Variants in ABCC4 observed in about 807,000 individuals in gnomAD.
The protein encoded by ABCC4 is ATP binding cassette subfamily C member 4 (PEL blood group), also known as ATP-binding cassette sub-family C member 4.
ABCC4 carries 102 observed loss-of-function variants against 168.5 expected under a neutral mutation model. The ratio of observed to expected loss-of-function variants is 0.61; its 90% CI spans 0.52 to 0.71. The LOEUF (loss-of-function observed/expected upper bound fraction) is 0.71, where lower values mean the gene tolerates loss of function less well. Among genes scored for constraint, ABCC4 ranks in the 30% least tolerant of loss-of-function variants. The pLI is 0.00. For synonymous variants in ABCC4, 617 were observed against 590.7 expected, an observed-to-expected ratio of 1.04 and a Z score of -0.65; for missense variants, 1,402 against 1,605.8, an observed-to-expected ratio of 0.87 and a Z score of 2.17.
chr13:95,243,793 G>T (rs1452610015), intron 3 of ABCC4, among the ~76,000 whole-genome samples: 2 of 152,050 alleles, frequency 1.3e-5, no homozygotes, highest in African/African-American at 4.8e-5. Flanking sequence ...GCTGAGGTGG[G>T]AGGATTGCTT....
chr13:95,238,596 C>G (rs932137090), intron 3 of ABCC4, among the ~76,000 whole-genome samples: 1 of 152,162 alleles, frequency 6.6e-6, no homozygotes, highest in Non-Finnish European at 1.5e-5. Flanking sequence ...ACTCTTGTTG[C>G]GCAGGCTGGA....
chr13:95,202,741 C>T (rs531685988), intron 8 of ABCC4, among the ~76,000 whole-genome samples: 9 of 151,278 alleles, frequency 5.9e-5, no homozygotes, highest in Non-Finnish European at 1.0e-4. Flanking sequence ...CTCCACCTCC[C>T]GGGTTCAAGC....
At chr13:95,261,926 T>C (rs2040541393) in intron 1 of ABCC4, among the ~76,000 whole-genome samples, 1 of 149,598 alleles carries the variant, frequency 6.7e-6, no homozygotes. Flanking sequence ...AGTGAGACCT[T>C]CTCTCCACAC....
intron 1 of ABCC4, among the ~76,000 whole-genome samples, chr13:95,275,030 T>C (rs1243260517): frequency 6.6e-6 from 1 of 152,186 alleles, no homozygotes; most frequent in Non-Finnish European, 1.5e-5. Context: ...TGAGCCGAGA[T>C]TGTGCCACTG....
chr13:95,271,802 T>C (rs2040855174), intron 1 of ABCC4, among the ~76,000 whole-genome samples: 1 of 152,144 alleles, frequency 6.6e-6, no homozygotes, highest in Admixed American at 6.6e-5. Context: ...ACAAGCAGGA[T>C]TCCCTGGGCC....
At position 95,062,471 on chromosome 13, in the gene ABCC4, G is replaced by T. The variant is rs145312551; in HGVS notation, c.3366+233C>A. Among the ~76,000 whole-genome samples the T allele has an allele frequency of 4.6e-3, 620 of 134,660 alleles. 5 individuals are homozygous for T. Among genetic ancestry groups the T allele is most frequent in the African/African-American group, 0.017 (602 of 35,432 alleles). 88.3% of individuals were successfully genotyped at this position (134,660 alleles called of 152,430 possible). ...CATCTTAGTACAGAAATCTATCTGC[G>T]TAAGTTATTAAATATCACACACACA... On this transcript the variant is annotated intron_variant, in intron 26 of 30. Transcript: ENST00000645237.
chr13:95,253,937 G>A (rs2040330949), intron 1 of ABCC4, among the ~76,000 whole-genome samples: 3 of 152,076 alleles, frequency 2.0e-5, no homozygotes, highest in Admixed American at 6.6e-5. Context: ...CTCTTACCCA[G>A]GCTGGAGTGC....
rs199801161 is a variant in ABCC4, at chr13:95,177,751, A to T, written c.1683T>A (p.Pro561=). The T allele has an allele frequency of 3.1e-6, 5 of 1,612,026 alleles. No individual in the cohort carries two copies. In the East Asian group the frequency reaches 1.1e-4, roughly 36 times the overall value. The change falls in exon 13 of 31, where the codon CCT becomes CCA. Residue 561 remains proline, a synonymous_variant. Transcript: ENST00000645237. ...QDADIYLLDD[P]LSAVDAEVSR... ...TAACTTCCGCATCTACTGCACTGAG[A>T]GGATCGTCCAGGAGATAGATGTCAG...
intron 19 of ABCC4, among the ~76,000 whole-genome samples, chr13:95,132,356 T>C (rs2035996761): frequency 2.6e-5 from 4 of 152,036 alleles, no homozygotes; most frequent in Admixed American, 6.5e-5. Context: ...GCTGGAATTA[T>C]AGGCATGCAC....
intron 4 of ABCC4, among the ~76,000 whole-genome samples, chr13:95,211,156 C>T (rs2038945298): frequency 6.6e-6 from 1 of 152,192 alleles, no homozygotes; most frequent in East Asian, 1.9e-4. Flanking sequence ...AAATCCGTAC[C>T]AATCACTAAT....
At chr13:95,044,180 T>C in intron 28 of ABCC4, 86 bp downstream of exon 28, 1 of 1,298,272 alleles carries the variant, frequency 7.7e-7, no homozygotes, top group Non-Finnish European at 1.0e-6. Context: ...ACAGAGCACT[T>C]AGAAATATTT....
intron 30 of ABCC4, among the ~76,000 whole-genome samples, chr13:95,033,662 C>CTT (rs56165679): frequency 7.5e-5 from 10 of 133,728 alleles, no homozygotes; most frequent in African/African-American, 2.1e-4. Context: ...GCAATTACAT[C>CTT]TTTTTTTTTT....
chr13:95,078,538 C>T (rs1448368963), intron 21 of ABCC4, among the ~76,000 whole-genome samples: 3 of 152,186 alleles, frequency 2.0e-5, no homozygotes, highest in Non-Finnish European at 2.9e-5. Context: ...TGGCAGGTGA[C>T]ATGACCGTAA....
At chr13:95,196,592 GGAAGGAAGGAAGGAAGGAA>G (rs2038431839) in intron 8 of ABCC4, among the ~76,000 whole-genome samples, 5 of 1,786 alleles carry the variant, frequency 2.8e-3, no homozygotes, top group Non-Finnish European at 8.3e-3. Context: ...GAGGAAGGAA[GGAAGGAAGGAAGGAAGGAA>G]GGAAGGAAGG....
chr13:95,097,920 GA>G (rs2034663959), intron 20 of ABCC4, among the ~76,000 whole-genome samples: 1 of 151,986 alleles, frequency 6.6e-6, no homozygotes, highest in Non-Finnish European at 1.5e-5. Flanking sequence ...AGGCTCACTT[GA>G]GGCCAGGAGT....
chr13:95,177,265 G>C (rs4148494), intron 13 of ABCC4, among the ~76,000 whole-genome samples: 96,058 of 151,950 alleles, frequency 0.63, 30,645 homozygotes, highest in African/African-American at 0.71. Context: ...TCCCAAGGAC[G>C]TCACTTCTAA....
At chr13:95,185,182 C>T (rs964576173) in intron 11 of ABCC4, among the ~76,000 whole-genome samples, 1 of 152,140 alleles carries the variant, frequency 6.6e-6, no homozygotes, top group African/African-American at 2.4e-5. Context: ...AGCAAAGGCA[C>T]TGGGAAATCA....
At chr13:95,197,949 A>G (rs923442799) in intron 8 of ABCC4, among the ~76,000 whole-genome samples, 27 of 152,204 alleles carry the variant, frequency 1.8e-4, no homozygotes, top group African/African-American at 6.3e-4. Flanking sequence ...ATTGAAAAGT[A>G]TGAGTAAGAA....
chr13:95,182,938 T>C (rs1427405491), intron 11 of ABCC4, among the ~76,000 whole-genome samples: 3 of 152,222 alleles, frequency 2.0e-5, no homozygotes, highest in African/African-American at 7.2e-5. Flanking sequence ...TACTACTTCC[T>C]ATCTTATTAT....
Sources: allele counts gnomAD v4.1 joint callset (sites outside exome capture counted in the v4.1 genomes callset), GRCh38; gene constraint gnomAD v4.1.1; transcripts MANE v1.5; gene names NCBI Gene and HGNC (gene_info 2026-07-23, HGNC 2026-07-21).